DPYD: variants seen among roughly 807,000 people sequenced by gnomAD.
DPYD encodes the protein dihydropyrimidine dehydrogenase.
Under a neutral mutation model 116.2 loss-of-function variants are expected in DPYD, and 109 were observed. That is an observed-to-expected ratio of 0.94 (90% CI 0.80 to 1.10). The LOEUF (loss-of-function observed/expected upper bound fraction) is 1.10, where lower values mean the gene tolerates loss of function less well. Among genes scored for constraint, DPYD ranks in the 50% least tolerant of loss-of-function variants. The pLI is 0.00. For synonymous variants in DPYD, 440 were observed against 432.0 expected (o/e 1.02, Z -0.23); for missense variants, 1,302 against 1,254.5 (o/e 1.04, Z -0.57).
intron 16 of DPYD, among the ~76,000 whole-genome samples, chr1:97,371,070 TTA>T (rs1296797973): frequency 6.6e-6 from 1 of 152,140 alleles, no homozygotes; most frequent in Non-Finnish European, 1.5e-5. Context: ...ATATATAAGC[TTA>T]TATATATGTA....
intron 5 of DPYD, 90 bp from the exon 6 acceptor site, chr1:97,699,637 T>A: frequency 2.4e-6 from 3 of 1,257,656 alleles, no homozygotes; most frequent in Non-Finnish European, 3.5e-6. Context: ...ATTCTTGTTT[T>A]AAATAGCAAT....
chr1:97,111,722 T>A (rs528955177), intron 20 of DPYD, among the ~76,000 whole-genome samples: 1 of 152,202 alleles, frequency 6.6e-6, no homozygotes, highest in African/African-American at 2.4e-5. Flanking sequence ...TGTTCACTAA[T>A]CTTATTTACT....
In DPYD at chr1:97,206,678, AT is replaced by A. The variant is rs1557938257; in HGVS notation, c.2443-13431del. Among the ~76,000 whole-genome samples the A allele has an allele frequency of 8.9e-3, 803 of 89,770 alleles. 37 individuals carry two copies. Among genetic ancestry groups the A allele is most frequent in the East Asian group, 0.041 (64 of 1,548 alleles). 58.9% of individuals were successfully genotyped at this position (89,770 alleles called of 152,430 possible). A position where few individuals can be genotyped will look rare whatever the true frequency, so the allele number is the denominator to read the frequency against. ...TATATATATATATATATATATATAT[AT>A]ATATATATAATCTATATGCTTATAA... On this transcript the variant is annotated intron_variant, in intron 19 of 22. Coordinates refer to ENST00000370192, the MANE Select transcript of DPYD (RefSeq NM_000110.4).
At chr1:97,141,286 A>G (rs1260679666) in intron 20 of DPYD, among the ~76,000 whole-genome samples, 1 of 152,096 alleles carries the variant, frequency 6.6e-6, no homozygotes, top group Admixed American at 6.6e-5. Flanking sequence ...TTAGAAGGGA[A>G]CTAAGTTAGA....
intron 2 of DPYD, among the ~76,000 whole-genome samples, chr1:97,846,461 G>A (rs537778614): frequency 6.6e-6 from 1 of 152,314 alleles, no homozygotes; most frequent in South Asian, 2.1e-4. Flanking sequence ...GCCTGGACTT[G>A]TGTTTGGCAT....
chr1:97,917,640 T>G (rs1674280431), intron 1 of DPYD, among the ~76,000 whole-genome samples: 1 of 152,310 alleles, frequency 6.6e-6, no homozygotes, highest in Non-Finnish European at 1.5e-5. Flanking sequence ...TTATAACCCT[T>G]TAACATTCAC....
At chr1:97,097,910 A>T (rs1650383189) in intron 21 of DPYD, among the ~76,000 whole-genome samples, 1 of 152,118 alleles carries the variant, frequency 6.6e-6, no homozygotes, top group Admixed American at 6.6e-5. Flanking sequence ...TTACAACTAC[A>T]TGTGAATCTA....
intron 11 of DPYD, among the ~76,000 whole-genome samples, chr1:97,565,549 G>A (rs567014459): frequency 7.9e-5 from 12 of 152,086 alleles, no homozygotes; most frequent in Middle Eastern, 3.4e-3. Flanking sequence ...ATGCCTCCCC[G>A]TTGTCTGGGC....
chr1:97,475,391 T>A (rs1677898908), intron 13 of DPYD, among the ~76,000 whole-genome samples: 1 of 152,002 alleles, frequency 6.6e-6, no homozygotes, highest in African/African-American at 2.4e-5. Context: ...CTTTTAAGTA[T>A]AAAAACAGTG....
At chr1:97,107,916 A>G (rs1432493385) in intron 20 of DPYD, among the ~76,000 whole-genome samples, 1 of 152,042 alleles carries the variant, frequency 6.6e-6, no homozygotes, top group Non-Finnish European at 1.5e-5. Flanking sequence ...ACAAATTTTG[A>G]AGGGAAAATG....
chr1:97,693,124 A>G (rs555988666), intron 6 of DPYD, among the ~76,000 whole-genome samples: 12 of 151,674 alleles, frequency 7.9e-5, no homozygotes, highest in Non-Finnish European at 1.8e-4. Context: ...CCCCGTCTCT[A>G]CTAAAAATAC....
At chr1:97,389,803 T>C (rs564876983) in intron 14 of DPYD, among the ~76,000 whole-genome samples, 1 of 151,888 alleles carries the variant, frequency 6.6e-6, no homozygotes, top group South Asian at 2.1e-4. Flanking sequence ...AAATTTTGCA[T>C]ATTTCTTTCT....
intron 18 of DPYD, among the ~76,000 whole-genome samples, chr1:97,237,766 T>C (rs572416930): frequency 4.5e-4 from 69 of 152,320 alleles, no homozygotes; most frequent in Non-Finnish European, 7.5e-4. Flanking sequence ...ATAACTGGCA[T>C]AGCCAATACA....
At chr1:97,828,400 A>T (rs903206462) in intron 2 of DPYD, among the ~76,000 whole-genome samples, 2 of 152,344 alleles carry the variant, frequency 1.3e-5, no homozygotes, top group East Asian at 3.9e-4. Flanking sequence ...CAGCTGTCAC[A>T]GAAGTCTCAT....
chr1:97,528,154 C>T (rs1167452237), intron 12 of DPYD, among the ~76,000 whole-genome samples: 1 of 152,108 alleles, frequency 6.6e-6, no homozygotes, highest in African/African-American at 2.4e-5. Context: ...AGGGAAAAAT[C>T]TTACAGGGTA....
chr1:97,139,715 T>A (rs1654072540), intron 20 of DPYD, among the ~76,000 whole-genome samples: 1 of 152,204 alleles, frequency 6.6e-6, no homozygotes, highest in South Asian at 2.1e-4. Flanking sequence ...CAGTCTTAGA[T>A]GAGGCCCCAA....
chr1:97,108,579 C>T lies in DPYD; in HGVS notation c.2623-9947G>A, dbSNP rs143622589. On this transcript the variant is annotated intron_variant, in intron 20 of 22. Coordinates refer to ENST00000370192, the MANE Select transcript of DPYD (RefSeq NM_000110.4). ...TTCCAAGGTTGGATGGGTTCATAAA[C>T]TGTTTTAGACTTCATTAGTAAAAGG... Among the ~76,000 whole-genome samples the T allele has an allele frequency of 8.3e-3, 1,266 of 152,160 alleles. 21 individuals carry two copies. The highest frequency in any genetic ancestry group is 0.029 in the African/African-American group (1,215 of 41,524).
chr1:97,598,327 C>G (rs987141013), intron 8 of DPYD, among the ~76,000 whole-genome samples: 2 of 152,082 alleles, frequency 1.3e-5, no homozygotes. Context: ...TGTGTCTATA[C>G]TAGGATGATT....
At chr1:97,141,775 G>A (rs1654243224) in intron 20 of DPYD, among the ~76,000 whole-genome samples, 1 of 152,130 alleles carries the variant, frequency 6.6e-6, no homozygotes, top group Admixed American at 6.6e-5. Flanking sequence ...AGGAATTTCA[G>A]TCATCTTAGC....
Sources: allele counts gnomAD v4.1 joint callset (sites outside exome capture counted in the v4.1 genomes callset), GRCh38; gene constraint gnomAD v4.1.1; transcripts MANE v1.5; gene names NCBI Gene and HGNC (gene_info 2026-07-23, HGNC 2026-07-21).